IYD: variants seen among roughly 807,000 people sequenced by gnomAD.
IYD encodes the protein iodotyrosine deiodinase 1.
In IYD, 25 loss-of-function variants were observed where a neutral mutation model predicts 28.4. That is an observed-to-expected ratio of 0.88 (90% CI 0.64 to 1.23). The LOEUF (loss-of-function observed/expected upper bound fraction) is 1.23. IYD is among the 50% of genes most tolerant of loss of function. The pLI, the probability that IYD is intolerant of heterozygous loss-of-function variation, is 0.00. For missense variants in IYD, 352 were observed against 357.9 expected (o/e 0.98, Z 0.13); for synonymous variants, 140 against 130.8 (o/e 1.07, Z -0.48).
chr6:150,401,590 G>C lies in IYD; in HGVS notation c.*3353G>C, dbSNP rs542023580. ...CCATCAGTGGTGTCTAGAAAAGTAA[G>C]GATAATTTTCTTCCTTCTCACTGCA... is the stretch of plus-strand genomic sequence containing the variant. On this transcript the variant is annotated 3_prime_UTR_variant, in exon 5 of 5. Transcript: ENST00000344419. The C allele has an allele frequency of 1.3e-5, 2 of 152,272 alleles. No homozygotes were observed. The highest frequency in any genetic ancestry group is 2.9e-5 in the Non-Finnish European group (2 of 68,056). 9.4% of individuals were successfully genotyped at this position (152,272 alleles called of 1,614,324 possible). A position where few individuals can be genotyped will look rare whatever the true frequency, so the allele number is the denominator to read the frequency against.
At chr6:150,394,493 T>C (rs1322479441) in intron 4 of IYD, among the ~76,000 whole-genome samples, 1 of 152,230 alleles carries the variant, frequency 6.6e-6, no homozygotes, top group Non-Finnish European at 1.5e-5. Flanking sequence ...TTTGCAGTCA[T>C]CTGTAACAAC....
chr6:150,384,372 T>G (rs1340979519), intron 1 of IYD: 1 of 152,212 alleles, frequency 6.6e-6, no homozygotes. Context: ...GCTTTCTTTA[T>G]GCGATTCAAA....
chr6:150,392,433 T>C lies in IYD; in HGVS notation c.459T>C (p.Ile153=), dbSNP rs1208925850. 1 of 1,613,764 alleles carries C rather than the reference T, an allele frequency of 6.2e-7. No homozygotes were observed. Among genetic ancestry groups the C allele is most frequent in the Non-Finnish European group, 8.5e-7 (1 of 1,179,862 alleles). The stretch of plus-strand genomic sequence containing the variant: ...TGAAGCACAAGATTCGAAAGATCAT[T>C]GAGGAGGAAGAGGAGATCAACTACA... ...PDVKHKIRKI[I]EEEEEINYMK... Residue 153 remains isoleucine (I), a synonymous_variant, in exon 3 of 5, where the codon ATT becomes ATC. Coordinates refer to ENST00000344419, the MANE Select transcript of IYD (RefSeq NM_203395.3).
At chr6:150,396,381 G>C in intron 4 of IYD, 1 of 617,922 alleles carries the variant, frequency 1.6e-6, no homozygotes, top group Non-Finnish European at 2.9e-6. Flanking sequence ...CTCACATCGA[G>C]AGAGTGAAAG....
Position 150,405,900 on chromosome 6 carries a change from C to A in IYD, c.*7663C>A, listed in dbSNP as rs1883395. On this transcript the variant is annotated 3_prime_UTR_variant, in exon 5 of 5. Coordinates refer to ENST00000344419, the MANE Select transcript of IYD (RefSeq NM_203395.3). ...CTGAATATTGACCATGGGAGGGGAA[C>A]AAGGAGAAGCAGTGTGAACAGGAAA... is the stretch of plus-strand genomic sequence containing the variant. 0.36 allele frequency: 54,992 copies of A among 152,018 alleles called. 10,436 individuals are homozygous for A. The highest frequency in any genetic ancestry group is 0.61 in the East Asian group (3,134 of 5,164). 9.4% of individuals were successfully genotyped at this position (152,018 alleles called of 1,614,324 possible). A position where few individuals can be genotyped will look rare whatever the true frequency, so the allele number is the denominator to read the frequency against.
rs539196865 is a variant in IYD, at chr6:150,370,718, G to A, written c.178+1509G>A. 1.9e-4 allele frequency: 175 copies of A among 933,944 alleles called. No homozygotes were observed. The African/African-American group carries it at 2.8e-3, about 15-fold the overall frequency. The allele number at this position is 933,944 out of a possible 1,614,324, so 57.9% of individuals were successfully genotyped here. On this transcript the variant is annotated intron_variant, in intron 1 of 4. Transcript: ENST00000344419. The stretch of plus-strand genomic sequence containing the variant: ...CTGGATGGTGGGGGCAGGTGGGAAT[G>A]CAGTGGAAGGCGTGGATCAGAGTAA...
chr6:150,370,315 G>C (rs1023650182), intron 1 of IYD, among the ~76,000 whole-genome samples: 3 of 151,502 alleles, frequency 2.0e-5, no homozygotes, highest in African/African-American at 7.3e-5. Flanking sequence ...ATGAGTGTGT[G>C]TGCACGAGTG....
At chr6:150,387,193 G>C (rs1267842742) in intron 1 of IYD, among the ~76,000 whole-genome samples, 1 of 152,040 alleles carries the variant, frequency 6.6e-6, no homozygotes, top group East Asian at 1.9e-4. Context: ...ATTGTTGTCA[G>C]GATCAATTAT....
intron 1 of IYD, among the ~76,000 whole-genome samples, chr6:150,374,642 C>A (rs1421692349): frequency 1.3e-5 from 2 of 152,178 alleles, no homozygotes; most frequent in Admixed American, 1.3e-4. Context: ...GGGAAACTGC[C>A]CCCATGATTC....
chr6:150,387,178 C>T (rs1777895889), intron 1 of IYD, among the ~76,000 whole-genome samples: 1 of 152,106 alleles, frequency 6.6e-6, no homozygotes. Context: ...CCCTGATTTA[C>T]TTTTATTGTT....
At position 150,394,105 on chromosome 6, in the gene IYD, C is replaced by A. The variant is rs377149859; in HGVS notation, c.537C>A (p.Asn179Lys). The A allele has an allele frequency of 2.5e-4, 400 of 1,614,054 alleles. 9 individuals carry two copies. In the South Asian group the frequency reaches 4.2e-3, roughly 17 times the overall value. The change falls in exon 4 of 5, where the codon AAC becomes AAA. Residue 179 changes from asparagine to lysine, a missense_variant. Physicochemically the swap from Asn to Lys is moderately conservative, Grantham distance 94. Transcript: ENST00000344419. ...WVTDLKKLRT[N>K]WIKEYLDTAP... ...ATCTCTTTTCTCTTCACAGAACCAA[C>A]TGGATTAAAGAGTACTTGGATACTG... is the stretch of plus-strand genomic sequence containing the variant.
intron 1 of IYD, among the ~76,000 whole-genome samples, chr6:150,388,481 T>G (rs1777961857): frequency 6.6e-6 from 1 of 152,228 alleles, no homozygotes; most frequent in African/African-American, 2.4e-5. Flanking sequence ...AAAAAAGACT[T>G]TGAAAAATAC....
chr6:150,394,291 A>C, intron 4 of IYD, 36 bp downstream of exon 4: 1 of 1,611,762 alleles, frequency 6.2e-7, no homozygotes, highest in Non-Finnish European at 8.5e-7. Context: ...GGGTGGCCTT[A>C]TTAGAACATT....
chr6:150,392,659 G>T (rs1287623792), intron 3 of IYD, among the ~76,000 whole-genome samples, 155 bp downstream of exon 3: 2 of 152,192 alleles, frequency 1.3e-5, no homozygotes, highest in African/African-American at 4.8e-5. Flanking sequence ...GCTCACTCCT[G>T]TATTGCCATG....
At position 150,394,202 on chromosome 6, in the gene IYD, T is replaced by C. The variant is rs1778227913; in HGVS notation, c.634T>C (p.Tyr212His). 2 of 1,614,090 alleles carry C rather than the reference T, an allele frequency of 1.2e-6. No homozygotes were observed. Among genetic ancestry groups the C allele is most frequent in the Non-Finnish European group, 1.7e-6 (2 of 1,180,044 alleles). ...AANGKKKVHY[Y>H]NEISVSIACG... is the part of the protein sequence containing the mutation. ...AAATGGCAAGAAAAAAGTCCACTACTACAATGAGATCAGTGTTTCCATCGC... is the reference window on the plus strand; with the variant it reads ...AAATGGCAAGAAAAAAGTCCACTACCACAATGAGATCAGTGTTTCCATCGC... The change falls in exon 4 of 5, where the codon TAC becomes CAC. Residue 212 changes from tyrosine to histidine, a missense_variant. Tyr to His is a moderately conservative substitution (Grantham distance 83). Transcript: ENST00000344419.
At position 150,404,005 on chromosome 6, in the gene IYD, C is replaced by T. The variant is rs1038970588; in HGVS notation, c.*5768C>T. The T allele has an allele frequency of 6.6e-5, 10 of 152,170 alleles. No individual in the cohort carries two copies. The highest frequency in any genetic ancestry group is 2.4e-4 in the African/African-American group (10 of 41,434). 9.4% of individuals were successfully genotyped at this position (152,170 alleles called of 1,614,324 possible). ...TGGAATAAAGGTTCTAAAATCAAAA[C>T]CCTCTGAAGGGTGAAAACTGGGAGC... On this transcript the variant is annotated 3_prime_UTR_variant, in exon 5 of 5. Transcript: ENST00000344419.
intron 1 of IYD, among the ~76,000 whole-genome samples, chr6:150,387,595 C>T (rs1777923825): frequency 6.6e-6 from 1 of 152,060 alleles, no homozygotes; most frequent in Admixed American, 6.5e-5. Context: ...TCACTCTTCA[C>T]TCTGCTCTAT....
intron 1 of IYD, among the ~76,000 whole-genome samples, chr6:150,379,014 T>G (rs1777553000): frequency 1.3e-5 from 2 of 152,166 alleles, no homozygotes; most frequent in South Asian, 2.1e-4. Flanking sequence ...CTCACACATT[T>G]CCTTTTGTAC....
intron 1 of IYD, among the ~76,000 whole-genome samples, chr6:150,378,212 G>T (rs1463276392): frequency 6.6e-6 from 1 of 150,776 alleles, no homozygotes; most frequent in Non-Finnish European, 1.5e-5. Flanking sequence ...AAGTTTTAGG[G>T]TACATGTGCA....
Sources: allele counts gnomAD v4.1 joint callset (sites outside exome capture counted in the v4.1 genomes callset), GRCh38; gene constraint gnomAD v4.1.1; transcripts MANE v1.5; gene names NCBI Gene and HGNC (gene_info 2026-07-23, HGNC 2026-07-21).